The following GAS7 variants were observed in gnomAD, a reference collection of about 807,000 sequenced individuals.
GAS7 encodes the protein growth arrest specific 7.
A neutral mutation model predicts 71.1 loss-of-function variants in GAS7; 28 were observed. The ratio of observed to expected loss-of-function variants is 0.39; its 90% CI spans 0.29 to 0.54. The LOEUF (loss-of-function observed/expected upper bound fraction) is 0.54. Ranked by LOEUF, GAS7 falls within the 20% of genes least tolerant of loss-of-function variation. The probability of loss-of-function intolerance (pLI) is 0.62; values close to 1 mark genes in which losing one functional copy is unlikely to be tolerated. For synonymous variants in GAS7, 258 were observed against 245.8 expected (o/e 1.05, Z -0.46); for missense variants, 436 against 627.8 (o/e 0.69, Z 3.27).
At position 9,912,617 on chromosome 17, in the gene GAS7, T is replaced by C; in HGVS notation, c.*4611A>G. 4.3e-6 allele frequency: 1 copy of C among 232,902 alleles called. No individual in the cohort carries two copies. The highest frequency in any genetic ancestry group is 5.6e-5 in the Admixed American group (1 of 17,778). The allele number at this position is 232,902 out of a possible 1,614,324, so 14.4% of individuals were successfully genotyped here. On this transcript the variant is annotated 3_prime_UTR_variant, in exon 14 of 14. Transcript: ENST00000432992. ...TGAGCAGCAATTGAGCACCCATCCG[T>C]CCCTTCCCCTCCCATCCCTGGATTC...
rs1597428229 is a variant in GAS7 at position 9,914,029 on chromosome 17, C to T, written c.*3199G>A. 4 of 229,902 alleles carry T rather than the reference C, an allele frequency of 1.7e-5. No individual in the cohort carries two copies. The Admixed American group carries it at 2.3e-4, about 13-fold the overall frequency. 14.2% of individuals were successfully genotyped at this position (229,902 alleles called of 1,614,324 possible). On this transcript the variant is annotated 3_prime_UTR_variant, in exon 14 of 14. Coordinates refer to ENST00000432992, the MANE Select transcript of GAS7 (RefSeq NM_201433.2). ...CCAAGACATAAAACAAAACAACAACCCGGATAGCGTGCTTGCCTCTCCAAA... is the reference window on the plus strand; with the variant it reads ...CCAAGACATAAAACAAAACAACAACTCGGATAGCGTGCTTGCCTCTCCAAA...
At chr17:10,108,575 GA>G (rs1471542937) in intron 1 of GAS7, among the ~76,000 whole-genome samples, 2 of 152,162 alleles carry the variant, frequency 1.3e-5, no homozygotes, top group African/African-American at 4.8e-5. Context: ...ATTTAGCTCA[GA>G]TATTTAAAAA....
intron 1 of GAS7, among the ~76,000 whole-genome samples, chr17:10,132,055 A>G (rs956512423): frequency 2.2e-4 from 32 of 144,820 alleles, no homozygotes; most frequent in African/African-American, 8.8e-4. Flanking sequence ...TGACAAATGT[A>G]TAAAAACATG....
intron 2 of GAS7, among the ~76,000 whole-genome samples, chr17:9,988,768 G>A (rs566585140): frequency 3.3e-5 from 5 of 151,554 alleles, no homozygotes; most frequent in African/African-American, 9.7e-5. Flanking sequence ...AACCATTTAC[G>A]CCTGGTCACG....
chr17:10,162,161 A>G (rs2074261885), intron 1 of GAS7, among the ~76,000 whole-genome samples: 1 of 151,224 alleles, frequency 6.6e-6, no homozygotes, highest in Non-Finnish European at 1.5e-5. Flanking sequence ...GCCCAGGCAC[A>G]TGCTGGTCCC....
intron 1 of GAS7, chr17:10,027,058 G>A (rs181404044): frequency 6.6e-6 from 1 of 152,292 alleles, no homozygotes; most frequent in East Asian, 1.9e-4. Flanking sequence ...CCCCGGCAGA[G>A]TCTTCATTTT....
At position 10,119,201 on chromosome 17, in the gene GAS7, G is replaced by A. The variant is rs1229980593; in HGVS notation, c.183+79007C>T. Reference sequence around the variant, plus strand: ...TAAAGAATGTCAGAAGGTGATCGGGGGAATAGAACATGGTAAAGGGAATCA... The same window carrying A: ...TAAAGAATGTCAGAAGGTGATCGGGAGAATAGAACATGGTAAAGGGAATCA... On this transcript the variant is annotated intron_variant, in intron 1 of 13. Transcript: ENST00000432992. Among the ~76,000 whole-genome samples, 5 of 152,196 alleles carry A rather than the reference G, an allele frequency of 3.3e-5. No individual in the cohort carries two copies. The East Asian group carries it at 5.8e-4, about 18-fold the overall frequency.
intron 9 of GAS7, among the ~76,000 whole-genome samples, chr17:9,932,128 G>A (rs2068229549): frequency 6.6e-6 from 1 of 151,718 alleles, no homozygotes; most frequent in African/African-American, 2.4e-5. Flanking sequence ...GTGATGGTGG[G>A]AGGACAGAGG....
intron 5 of GAS7, among the ~76,000 whole-genome samples, chr17:9,948,599 C>T (rs1345486260): frequency 1.3e-5 from 2 of 152,034 alleles, no homozygotes; most frequent in African/African-American, 4.8e-5. Flanking sequence ...AGGAGAATCG[C>T]TTCAACCCAA....
At chr17:9,961,241 T>C (rs552001842) in intron 4 of GAS7, among the ~76,000 whole-genome samples, 80 of 152,248 alleles carry the variant, frequency 5.3e-4, no homozygotes, top group Non-Finnish European at 1.0e-3. Context: ...TAGTGCATCA[T>C]CTCATCCAGC....
At chr17:10,145,889 G>A (rs925041552) in intron 1 of GAS7, among the ~76,000 whole-genome samples, 9 of 152,218 alleles carry the variant, frequency 5.9e-5, no homozygotes, top group African/African-American at 9.6e-5. Context: ...GTGGGAGCAA[G>A]AACAACCATC....
intron 1 of GAS7, among the ~76,000 whole-genome samples, chr17:10,169,377 C>T (rs1023376347): frequency 3.9e-5 from 6 of 152,178 alleles, no homozygotes; most frequent in Non-Finnish European, 4.4e-5. Context: ...TTAAGCCTGC[C>T]AGTGAAGTCT....
At chr17:10,157,163 G>A (rs1246977475) in intron 1 of GAS7, among the ~76,000 whole-genome samples, 1 of 152,140 alleles carries the variant, frequency 6.6e-6, no homozygotes, top group African/African-American at 2.4e-5. Flanking sequence ...GGACCCCTGG[G>A]AGAAGGAGGA....
chr17:10,168,533 G>A (rs527664070), intron 1 of GAS7, among the ~76,000 whole-genome samples: 188 of 152,250 alleles, frequency 1.2e-3, no homozygotes, highest in African/African-American at 4.2e-3. Flanking sequence ...GTCTGTTTAC[G>A]TACTGTGGAC....
chr17:10,050,840 C>G (rs2073052912), intron 1 of GAS7, among the ~76,000 whole-genome samples: 1 of 152,144 alleles, frequency 6.6e-6, no homozygotes, highest in Non-Finnish European at 1.5e-5. Context: ...TCCATTCAAA[C>G]AAGGGGGCCT....
At chr17:9,927,729 C>G (rs58420938) in intron 9 of GAS7, among the ~76,000 whole-genome samples, 20,035 of 152,132 alleles carry the variant, frequency 0.13, 1,385 homozygotes, top group Non-Finnish European at 0.15. Flanking sequence ...GGTCTCAGGT[C>G]AGTCCTATTT....
At position 9,959,647 on chromosome 17, in the gene GAS7, C is replaced by G. The variant is rs1326413332; in HGVS notation, c.472-392G>C. ...AGAAGAGAGTTAAGGCCACCACCTC[C>G]TGGCACTGAGGAATCAGCACACGAC... On this transcript the variant is annotated intron_variant, in intron 4 of 13. Coordinates refer to ENST00000432992, the MANE Select transcript of GAS7 (RefSeq NM_201433.2). This position sits in a 1 kb window ranked among gnomAD's most constrained non-coding sequence, Gnocchi z 5.0. 6.6e-6 allele frequency among the ~76,000 whole-genome samples: 1 copy of G among 152,212 alleles called. No individual in the cohort carries two copies. The highest frequency in any genetic ancestry group is 2.4e-5 in the African/African-American group (1 of 41,456).
chr17:10,110,053 CAAAAA>C (rs956917519), intron 1 of GAS7, among the ~76,000 whole-genome samples: 1 of 73,520 alleles, frequency 1.4e-5, no homozygotes, highest in Non-Finnish European at 2.7e-5. Context: ...GGCTCCGTCT[CAAAAA>C]AAAAAAAAAA....
chr17:9,957,825 G>A (rs1043138462), intron 5 of GAS7, among the ~76,000 whole-genome samples: 16 of 152,104 alleles, frequency 1.1e-4, no homozygotes, highest in South Asian at 2.1e-4. Context: ...TGGAGACACC[G>A]TCCATCAGCA....
Sources: gnomAD v4.1 joint callset for allele counts (sites outside exome capture counted in the v4.1 genomes callset) on GRCh38, gnomAD v4.1.1 for gene constraint, Gnocchi (gnomAD v3.1) non-coding constraint, MANE v1.5 for transcripts, NCBI Gene and HGNC (gene_info 2026-07-23, HGNC 2026-07-21) for gene names.